Variants in SLIT3 observed in about 807,000 individuals in gnomAD.
The protein encoded by SLIT3 is slit guidance ligand 3.
Under a neutral mutation model 184.0 loss-of-function variants are expected in SLIT3, and 68 were observed. That is an observed-to-expected ratio of 0.37 (90% CI 0.30 to 0.45). The LOEUF (loss-of-function observed/expected upper bound fraction) is 0.45, where lower values mean the gene tolerates loss of function less well. SLIT3 is among the 20% of genes least tolerant of loss of function. The pLI is 1.00. For missense variants in SLIT3, 1,707 were observed against 2,026.0 expected, an observed-to-expected ratio of 0.84 and a Z score of 3.02; for synonymous variants, 831 against 828.6, an observed-to-expected ratio of 1.00 and a Z score of -0.05.
intron 3 of SLIT3, among the ~76,000 whole-genome samples, chr5:169,235,240 C>T (rs1378908967): frequency 6.6e-6 from 1 of 152,146 alleles, no homozygotes; most frequent in Non-Finnish European, 1.5e-5. Flanking sequence ...CTTAAGAATA[C>T]TCTTTCCATC....
intron 4 of SLIT3, among the ~76,000 whole-genome samples, chr5:168,994,943 T>C (rs1253797601): frequency 1.3e-5 from 2 of 152,098 alleles, no homozygotes; most frequent in Non-Finnish European, 2.9e-5. Context: ...CGCCCAGCCC[T>C]GGCATTCTAT....
intron 4 of SLIT3, among the ~76,000 whole-genome samples, chr5:169,005,828 A>G (rs1249369635): frequency 6.6e-6 from 1 of 152,210 alleles, no homozygotes; most frequent in Non-Finnish European, 1.5e-5. Flanking sequence ...TCTGGGGGAA[A>G]CGCAGCGCAA....
chr5:169,178,526 CTGCTT>C (rs1668887503), intron 4 of SLIT3, among the ~76,000 whole-genome samples: 3 of 152,306 alleles, frequency 2.0e-5, no homozygotes, highest in Admixed American at 2.0e-4. Context: ...ATTCTTCCAG[CTGCTT>C]TGGGAGGAGC....
intron 1 of SLIT3, among the ~76,000 whole-genome samples, chr5:169,291,819 G>A (rs753432777): frequency 6.6e-6 from 1 of 152,214 alleles, no homozygotes; most frequent in Non-Finnish European, 1.5e-5. Context: ...TCTGAGACCA[G>A]CCTGGCTGGA....
chr5:168,842,722 C>T (rs1758312759), intron 6 of SLIT3, among the ~76,000 whole-genome samples: 1 of 152,230 alleles, frequency 6.6e-6, no homozygotes, highest in Non-Finnish European at 1.5e-5. Flanking sequence ...TCTTCTCCCT[C>T]AGACTGCCTT....
chr5:169,044,445 T>C (rs1389155539), intron 4 of SLIT3, among the ~76,000 whole-genome samples: 1 of 152,138 alleles, frequency 6.6e-6, no homozygotes, highest in African/African-American at 2.4e-5. Flanking sequence ...GCATTACAGA[T>C]GAATCTTGAA....
rs113138033 is a variant in SLIT3, at chr5:169,125,779, T to G, written c.413+67700A>C. ...CATTTGTGCCTGGGCATTATCTAAT[T>G]CCTGCCAACGAACGCATTCCTTCCA... On this transcript the variant is annotated intron_variant, in intron 4 of 35. Coordinates refer to ENST00000519560, the MANE Select transcript of SLIT3 (RefSeq NM_003062.4). 2.7e-3 allele frequency among the ~76,000 whole-genome samples: 418 copies of G among 152,316 alleles called. 3 individuals carry two copies. Among genetic ancestry groups the G allele is most frequent in the African/African-American group, 9.4e-3 (390 of 41,564 alleles).
Position 168,696,150 on chromosome 5 carries a change from G to A in SLIT3, c.3082+142C>T, listed in dbSNP as rs78927930. On this transcript the variant is annotated intron_variant, in intron 28 of 35. Transcript: ENST00000519560. ...GGAGAAGCAAACAGGCCTTTGGGGA[G>A]CCCCTCTTGGCATATCACAGTCTTG... The A allele has an allele frequency of 3.2e-5, 32 of 993,478 alleles. No individual in the cohort carries two copies. The East Asian group carries it at 6.8e-4, about 21-fold the overall frequency. The allele number at this position is 993,478 out of a possible 1,614,324, so 61.5% of individuals were successfully genotyped here. A position where few individuals can be genotyped will look rare whatever the true frequency, so the allele number is the denominator to read the frequency against.
At chr5:168,770,612 T>C (rs993277289) in intron 14 of SLIT3, among the ~76,000 whole-genome samples, 1 of 152,022 alleles carries the variant, frequency 6.6e-6, no homozygotes, top group Non-Finnish European at 1.5e-5. Flanking sequence ...TCATGCTAGC[T>C]CCAAACATCT....
At chr5:168,971,942 GA>G (rs1283843738) in intron 4 of SLIT3, among the ~76,000 whole-genome samples, 6 of 152,208 alleles carry the variant, frequency 3.9e-5, no homozygotes, top group African/African-American at 1.4e-4. Flanking sequence ...TATAGTTAGG[GA>G]AATAGGGAAC....
chr5:169,255,761 T>C (rs539410446), intron 1 of SLIT3, among the ~76,000 whole-genome samples: 1 of 152,188 alleles, frequency 6.6e-6, no homozygotes, highest in Admixed American at 6.5e-5. Context: ...CGGGTGCCTG[T>C]TGTCCCAGCT....
intron 3 of SLIT3, among the ~76,000 whole-genome samples, chr5:169,219,631 C>T (rs900730746): frequency 1.3e-5 from 2 of 152,132 alleles, no homozygotes; most frequent in African/African-American, 4.8e-5. Context: ...AGGGGCTCAC[C>T]CCACGACCCA....
chr5:168,934,293 T>C (rs1271409102), intron 4 of SLIT3, among the ~76,000 whole-genome samples: 4 of 152,218 alleles, frequency 2.6e-5, no homozygotes, highest in African/African-American at 9.6e-5. Context: ...CCTGATGATT[T>C]TGAGCCACCC....
intron 4 of SLIT3, among the ~76,000 whole-genome samples, chr5:168,934,072 C>T (rs1298891010): frequency 1.3e-5 from 2 of 152,164 alleles, no homozygotes; most frequent in Admixed American, 6.5e-5. Context: ...ACACAAACTG[C>T]CATGTTCCTT....
chr5:168,674,330 G>A (rs1000558260), intron 32 of SLIT3, among the ~76,000 whole-genome samples: 1 of 152,080 alleles, frequency 6.6e-6, no homozygotes, highest in Admixed American at 6.5e-5. Flanking sequence ...AATCTGAAAA[G>A]CTCCAAAAGC....
chr5:168,839,955 C>T (rs1758186467), intron 6 of SLIT3, among the ~76,000 whole-genome samples: 1 of 152,210 alleles, frequency 6.6e-6, no homozygotes, highest in South Asian at 2.1e-4. Context: ...GCTCAGGGTG[C>T]AGAATGCTAG....
At chr5:169,196,608 A>G (rs944322376) in intron 3 of SLIT3, among the ~76,000 whole-genome samples, 1 of 152,144 alleles carries the variant, frequency 6.6e-6, no homozygotes, top group Non-Finnish European at 1.5e-5. Context: ...AATGAACCTG[A>G]AGCCTGGGGA....
chr5:169,066,551 C>T lies in SLIT3; in HGVS notation c.413+126928G>A, dbSNP rs112061419. Among the ~76,000 whole-genome samples, 1,237 of 152,254 alleles carry T rather than the reference C, an allele frequency of 8.1e-3. 8 individuals carry two copies. Among genetic ancestry groups the T allele is most frequent in the East Asian group, 0.039 (200 of 5,184 alleles). ...AACAATGATAATTCCCAGTGTTGGA[C>T]AACATATGAAGAAGTAATCAATCCT... On this transcript the variant is annotated intron_variant, in intron 4 of 35. Transcript: ENST00000519560.
At chr5:168,680,905 C>T (rs1411470034) in intron 32 of SLIT3, among the ~76,000 whole-genome samples, 2 of 151,966 alleles carry the variant, frequency 1.3e-5, no homozygotes, top group East Asian at 3.9e-4. Flanking sequence ...AATCCCAGCA[C>T]TTTGCGAGGC....
Sources: gnomAD v4.1 joint callset for allele counts (sites outside exome capture counted in the v4.1 genomes callset) on GRCh38, gnomAD v4.1.1 for gene constraint, MANE v1.5 for transcripts, NCBI Gene and HGNC (gene_info 2026-07-23, HGNC 2026-07-21) for gene names.